The following FBH1 variants were observed in gnomAD, a reference collection of about 807,000 sequenced individuals.
The protein encoded by FBH1 is F-box DNA helicase 1.
A neutral mutation model predicts 115.5 loss-of-function variants in FBH1; 43 were observed. The ratio of observed to expected loss-of-function variants is 0.37; its 90% CI spans 0.29 to 0.48. The LOEUF (loss-of-function observed/expected upper bound fraction) is 0.48, where lower values mean the gene tolerates loss of function less well. Ranked by LOEUF, FBH1 falls within the 20% of genes least tolerant of loss-of-function variation. FBH1 has a pLI of 0.99. For missense variants in FBH1, 1,001 were observed against 1,337.3 expected (o/e 0.75, Z 3.92); for synonymous variants, 524 against 507.8 (o/e 1.03, Z -0.43).
rs765708557 is a variant in FBH1 at position 5,916,400 on chromosome 10, A to T, written c.1732A>T (p.Ile578Phe). ...AGAGCTGACCATTGATCACGTGCCT[A>T]TTTGGTGTAAGAACAGCCAAGGACA... ...DEELTIDHVP[I>F]WCKNSQGQRV... Residue 578 changes from isoleucine to phenylalanine, a missense_variant, in exon 10 of 21, where the codon ATT becomes TTT. By Grantham distance (21) the Ile-to-Phe change is conservative (BLOSUM62 0). Coordinates refer to ENST00000362091, the MANE Select transcript of FBH1 (RefSeq NM_178150.3). The T allele has an allele frequency of 1.2e-6, 2 of 1,614,140 alleles. No homozygotes were observed. Among genetic ancestry groups the T allele is most frequent in the Admixed American group, 3.3e-5 (2 of 60,008 alleles).
In FBH1 at chr10:5,913,328, G is replaced by A. The variant is rs538794180; in HGVS notation, c.1212-419G>A. Among the ~76,000 whole-genome samples, 120 of 144,576 alleles carry A rather than the reference G, an allele frequency of 8.3e-4. No individual in the cohort carries two copies. The highest frequency in any genetic ancestry group is 3.5e-3 in the Middle Eastern group (1 of 282). The allele number at this position is 144,576 out of a possible 152,430, so 94.8% of individuals were successfully genotyped here. On this transcript the variant is annotated intron_variant, in intron 6 of 20. Coordinates refer to ENST00000362091, the MANE Select transcript of FBH1 (RefSeq NM_178150.3). The surrounding 1 kb of genome is among the most constrained non-coding windows in gnomAD (Gnocchi z 4.4). ...TGTCATAAGAGGTAGACAGTGGAGC[G>A]ACCGAGGCTCAGAAAGAGGCTGGTG...
At chr10:5,930,705 A>G (rs1832919114) in intron 19 of FBH1, among the ~76,000 whole-genome samples, 1 of 152,198 alleles carries the variant, frequency 6.6e-6, no homozygotes, top group Non-Finnish European at 1.5e-5. Context: ...AAAAGAAAGA[A>G]AAAAAAACAG....
chr10:5,924,205 C>T lies in FBH1; in HGVS notation c.2399-106C>T, dbSNP rs1832490294. On this transcript the variant is annotated intron_variant, in intron 16 of 20. Transcript: ENST00000362091. This position sits in a 1 kb window ranked among gnomAD's most constrained non-coding sequence, Gnocchi z 6.2. Reference sequence around the variant, plus strand: ...CAGGCCTGGAACCCGGGTCTCCCCACTTTAAGACCATCTGCTCTTGCGCAG... The same window carrying T: ...CAGGCCTGGAACCCGGGTCTCCCCATTTTAAGACCATCTGCTCTTGCGCAG... 1 of 1,147,920 alleles carries T rather than the reference C, an allele frequency of 8.7e-7. No homozygotes were observed. The highest frequency in any genetic ancestry group is 1.5e-5 in the African/African-American group (1 of 65,272). The allele number at this position is 1,147,920 out of a possible 1,614,324, so 71.1% of individuals were successfully genotyped here.
Position 5,890,246 on chromosome 10 carries a change from C to T in FBH1, c.-100C>T. ...CGGCGGGCGTCTCGGGCTCCAGGTC[C>T]CGGCCAGAGGAGGAGCTCGCTGCCG... On this transcript the variant is annotated 5_prime_UTR_variant, in exon 1 of 21. Transcript: ENST00000362091. 5.5e-6 allele frequency: 2 copies of T among 363,078 alleles called. No individual in the cohort carries two copies. Among genetic ancestry groups the T allele is most frequent in the East Asian group, 4.2e-5 (1 of 23,818 alleles). The allele number at this position is 363,078 out of a possible 1,614,324, so 22.5% of individuals were successfully genotyped here.
rs1018365360 is a variant in FBH1 at position 5,915,978 on chromosome 10, C to A, written c.1566-256C>A. 3 of 523,518 alleles carry A rather than the reference C, an allele frequency of 5.7e-6. No individual in the cohort carries two copies. Among genetic ancestry groups the A allele is most frequent in the Admixed American group, 6.7e-5 (2 of 29,818 alleles). The allele number at this position is 523,518 out of a possible 1,614,324, so 32.4% of individuals were successfully genotyped here. On this transcript the variant is annotated intron_variant, in intron 9 of 20. Coordinates refer to ENST00000362091, the MANE Select transcript of FBH1 (RefSeq NM_178150.3). This position sits in a 1 kb window ranked among gnomAD's most constrained non-coding sequence, Gnocchi z 5.2. The stretch of plus-strand genomic sequence containing the variant: ...CTCCAAGGGTCCCTCCGGGGACCTT[C>A]TGGAGCCCAGCTTCATGGTGGAATA...
At position 5,927,494 on chromosome 10, in the gene FBH1, C is replaced by A. The variant is rs774638319; in HGVS notation, c.2782C>A (p.Arg928Ser). The A allele has an allele frequency of 6.2e-7, 1 of 1,613,714 alleles. No homozygotes were observed. Among genetic ancestry groups the A allele is most frequent in the South Asian group, 1.1e-5 (1 of 90,982 alleles). ...LYVAVTRAKKRLIMTKSLENI... is the reference protein window; with the variant it reads ...LYVAVTRAKKSLIMTKSLENI... ...TGTTGCAGTAACTCGAGCCAAGAAG[C>A]GTCTCATCATGACCAAATCATTGGA... Residue 928 changes from arginine (R) to serine (S), a missense_variant, in exon 19 of 21, where the codon CGT (arginine) becomes AGT (serine). By Grantham distance (110) the Arg-to-Ser change is moderately radical. Coordinates refer to ENST00000362091, the MANE Select transcript of FBH1 (RefSeq NM_178150.3).
At position 5,900,756 on chromosome 10, in the gene FBH1, TATCAGCTAA is replaced by T. The variant is rs1180935529; in HGVS notation, c.2-2259_2-2251del. 2.6e-5 allele frequency among the ~76,000 whole-genome samples: 4 copies of T among 152,186 alleles called. No homozygotes were observed. The highest frequency in any genetic ancestry group is 4.4e-5 in the Non-Finnish European group (3 of 68,034). ...AATAATGAAAAAATATTGTAAACTATATCAGCTAAATCACTGGGGTCTTGGCTTTATGTA... is the reference window on the plus strand; with the variant it reads ...AATAATGAAAAAATATTGTAAACTATATCACTGGGGTCTTGGCTTTATGTA... On this transcript the variant is annotated intron_variant, in intron 1 of 20. Coordinates refer to ENST00000362091, the MANE Select transcript of FBH1 (RefSeq NM_178150.3). The surrounding 1 kb of genome is among the most constrained non-coding windows in gnomAD (Gnocchi z 4.2).
chr10:5,934,447 G>T (rs921902036), intron 19 of FBH1: 1 of 144,708 alleles, frequency 6.9e-6, no homozygotes, highest in Non-Finnish European at 1.5e-5. Flanking sequence ...CATCTTGCTC[G>T]GCTCACCGCA....
chr10:5,896,072 T>C (rs185886520), intron 1 of FBH1, among the ~76,000 whole-genome samples: 2 of 152,304 alleles, frequency 1.3e-5, no homozygotes, highest in Admixed American at 6.5e-5. Context: ...GACACGCAGT[T>C]CTCACTCTGC....
chr10:5,927,163 C>A (rs948910821), intron 18 of FBH1, among the ~76,000 whole-genome samples: 10 of 152,218 alleles, frequency 6.6e-5, no homozygotes, highest in African/African-American at 1.4e-4. Flanking sequence ...CCATCTGTCA[C>A]ATCGCGGGTG....
intron 1 of FBH1, among the ~76,000 whole-genome samples, chr10:5,892,678 A>T (rs958552644): frequency 6.6e-6 from 1 of 151,900 alleles, no homozygotes; most frequent in East Asian, 1.9e-4. Flanking sequence ...CCTCCCTCTC[A>T]CTCCGGGGGA....
Position 5,906,472 on chromosome 10 carries a change from G to A in FBH1, c.593G>A (p.Gly198Glu), listed in dbSNP as rs771460384. 46 of 1,614,002 alleles carry A rather than the reference G, an allele frequency of 2.9e-5. No individual in the cohort carries two copies. Among genetic ancestry groups the A allele is most frequent in the Non-Finnish European group, 3.6e-5 (42 of 1,180,038 alleles). ...GPDPIPDSYY[G>E]LLGTLPCQEA... ...GATCCCATTCCTGACTCATACTATG[G>A]GCTTCTTGGGACCTTGCCCTGCCAG... The change falls in exon 3 of 21, where the codon GGG becomes GAG. Residue 198 changes from glycine to glutamate, a missense_variant. Physicochemically the swap from Gly to Glu is moderately conservative, Grantham distance 98 (BLOSUM62 -2). Around this residue, in one of 4 missense-constraint regions of FBH1, gnomAD observed 420 missense variants for 430.4 expected, o/e 0.98. Coordinates refer to ENST00000362091, the MANE Select transcript of FBH1 (RefSeq NM_178150.3). The surrounding 1 kb of genome is among the most constrained non-coding windows in gnomAD (Gnocchi z 7.3).
At chr10:5,907,600 A>T (rs758085805) in intron 3 of FBH1, among the ~76,000 whole-genome samples, 1 of 150,934 alleles carries the variant, frequency 6.6e-6, no homozygotes, top group African/African-American at 2.4e-5. Context: ...TAGCCTCCCA[A>T]GTAGCTGGGA....
Position 5,917,591 on chromosome 10 carries a change from C to T in FBH1, c.1878C>T (p.Gly626=). 1 of 1,614,136 alleles carries T rather than the reference C, an allele frequency of 6.2e-7. No individual in the cohort carries two copies. The highest frequency in any genetic ancestry group is 8.5e-7 in the Non-Finnish European group (1 of 1,180,004). ...TEEAHQMTHD[G]YLKLWQLSKP... is the part of the protein sequence containing the mutation. Reference sequence around the variant, plus strand: ...CTCCTGCGTCTCTCCTTATTTTAGGCTACTTGAAACTCTGGCAGCTGAGCA... The same window carrying T: ...CTCCTGCGTCTCTCCTTATTTTAGGTTACTTGAAACTCTGGCAGCTGAGCA... Residue 626 remains glycine (G), a splice_region_variant and synonymous_variant, in exon 12 of 21, where the codon GGC becomes GGT. Transcript: ENST00000362091. The surrounding 1 kb of genome is among the most constrained non-coding windows in gnomAD (Gnocchi z 5.6).
upstream of FBH1, chr10:5,889,958 C>T (rs910193975): frequency 5.3e-6 from 1 of 187,712 alleles, no homozygotes; most frequent in Non-Finnish European, 1.1e-5. Context: ...TCGACCGCCG[C>T]TGCTCCGCGG....
rs1589128574 is a variant in FBH1 at position 5,936,823 on chromosome 10, C to T, written c.2961+236C>T. 8 of 615,362 alleles carry T rather than the reference C, an allele frequency of 1.3e-5. No homozygotes were observed. Among genetic ancestry groups the T allele is most frequent in the Admixed American group, 3.0e-5 (1 of 33,212 alleles). The allele number at this position is 615,362 out of a possible 1,614,324, so 38.1% of individuals were successfully genotyped here. ...GTCTGGGAGGCTGGGTTGTGATACA[C>T]GCTTAGAGAGAGAGCTGTTCCCTGG... On this transcript the variant is annotated intron_variant, in intron 20 of 20. Transcript: ENST00000362091. This position sits in a 1 kb window ranked among gnomAD's most constrained non-coding sequence, Gnocchi z 5.6.
intron 2 of FBH1, 65 bp downstream of exon 2, chr10:5,903,240 T>G: frequency 1.2e-5 from 15 of 1,299,676 alleles, no homozygotes; most frequent in Middle Eastern, 2.3e-4. Context: ...GACTATCTCC[T>G]AGTTTAAAAG....
chr10:5,925,297 T>G lies in FBH1; in HGVS notation c.2597-70T>G. The stretch of plus-strand genomic sequence containing the variant: ...CGAGTTCAGAGTCAAGTGGGAAACA[T>G]GTATGTTTTTGTCATCTTGTTTCTT... On this transcript the variant is annotated intron_variant, in intron 17 of 20. Coordinates refer to ENST00000362091, the MANE Select transcript of FBH1 (RefSeq NM_178150.3). This position sits in a 1 kb window ranked among gnomAD's most constrained non-coding sequence, Gnocchi z 4.6. 1 of 1,565,606 alleles carries G rather than the reference T, an allele frequency of 6.4e-7. No individual in the cohort carries two copies. Among genetic ancestry groups the G allele is most frequent in the Non-Finnish European group, 8.7e-7 (1 of 1,147,518 alleles).
intron 13 of FBH1, among the ~76,000 whole-genome samples, chr10:5,919,160 G>C (rs1049841295): frequency 6.6e-6 from 1 of 152,134 alleles, no homozygotes; most frequent in Non-Finnish European, 1.5e-5. Flanking sequence ...TCGGAAATAT[G>C]TTTCAAAAAA....
Sources: allele counts gnomAD v4.1 joint callset (sites outside exome capture counted in the v4.1 genomes callset), GRCh38; gene constraint gnomAD v4.1.1; regional missense constraint gnomAD v4.1.1; non-coding constraint Gnocchi (gnomAD v3.1); transcripts MANE v1.5; gene names NCBI Gene and HGNC (gene_info 2026-07-23, HGNC 2026-07-21).